CNIH3: variants seen among roughly 807,000 people sequenced by gnomAD.
CNIH3 encodes protein cornichon homolog 3.
Under a neutral mutation model 24.1 loss-of-function variants are expected in CNIH3, and 14 were observed. That is an observed-to-expected ratio of 0.58 (90% CI 0.38 to 0.91). CNIH3 has a LOEUF of 0.91. CNIH3 is among the 40% of genes least tolerant of loss of function. The pLI is 0.00. For missense variants in CNIH3, 178 were observed against 196.8 expected, an observed-to-expected ratio of 0.90 and a Z score of 0.57; for synonymous variants, 68 against 73.8, an observed-to-expected ratio of 0.92 and a Z score of 0.40.
chr1:224,633,365 C>T (rs1683924857), intron 1 of CNIH3, among the ~76,000 whole-genome samples: 1 of 152,002 alleles, frequency 6.6e-6, no homozygotes, highest in Admixed American at 6.6e-5. Context: ...TGCCACGTTG[C>T]CCAGGCTGAT....
intron 1 of CNIH3, among the ~76,000 whole-genome samples, chr1:224,494,551 G>A (rs1438779325): frequency 6.6e-6 from 1 of 152,140 alleles, no homozygotes; most frequent in Non-Finnish European, 1.5e-5. Context: ...TCACATTCCT[G>A]CCAAATCTTT....
intron 3 of CNIH3, among the ~76,000 whole-genome samples, chr1:224,689,103 C>T (rs1686804637): frequency 1.3e-5 from 2 of 152,264 alleles, no homozygotes; most frequent in South Asian, 4.2e-4. Flanking sequence ...TGCTCTCAGC[C>T]ACTTCCGGGA....
At chr1:224,593,325 C>T (rs533133522), downstream of CNIH3, among the ~76,000 whole-genome samples, 2 of 151,838 alleles carry the variant, frequency 1.3e-5, no homozygotes, top group East Asian at 3.9e-4. Context: ...CAGCTATCCA[C>T]TCTGTTACTT....
intron 2 of CNIH3, among the ~76,000 whole-genome samples, chr1:224,527,113 A>G (rs1181503673): frequency 6.6e-6 from 1 of 152,202 alleles, no homozygotes; most frequent in East Asian, 1.9e-4. Context: ...ACAGGGCTGA[A>G]AAAACTTGAT....
exon 3 of CNIH3, chr1:224,546,870 G>C (rs1315755877): frequency 9.9e-5 from 97 of 984,514 alleles, no homozygotes; most frequent in Non-Finnish European, 1.1e-4. Context: ...TGATGATGGG[G>C]CCATTTGACA....
In CNIH3 at chr1:224,434,688, TGCGGCGGCG is replaced by T. The variant is rs779741438; in HGVS notation, n.40_48del. Reference sequence around the variant, plus strand: ...CGCTGGGCTGAGCCCCGGCAGTGGCTGCGGCGGCGGCGGCGGCGGGCGGCAGCGGAGGCA... The same window carrying T: ...CGCTGGGCTGAGCCCCGGCAGTGGCTGCGGCGGCGGGCGGCAGCGGAGGCA... On this transcript the variant is annotated non_coding_transcript_exon_variant, in exon 1 of 6. Coordinates refer to the CNIH3 transcript ENST00000471578. 47 of 895,802 alleles carry T rather than the reference TGCGGCGGCG, an allele frequency of 5.2e-5. No homozygotes were observed. In the East Asian group the frequency reaches 4.0e-3, roughly 77 times the overall value. 55.5% of individuals were successfully genotyped at this position (895,802 alleles called of 1,614,324 possible).
chr1:224,580,881 T>A (rs555800925), intron 4 of CNIH3, among the ~76,000 whole-genome samples: 1 of 152,222 alleles, frequency 6.6e-6, no homozygotes, highest in African/African-American at 2.4e-5. Flanking sequence ...AATCTGCACT[T>A]TACATAAGAT....
At chr1:224,702,805 C>A (rs1290326586) in intron 3 of CNIH3, among the ~76,000 whole-genome samples, 2 of 152,178 alleles carry the variant, frequency 1.3e-5, no homozygotes. Context: ...AGAGACCTTG[C>A]AGACACCAAG....
At chr1:224,440,558 A>G (rs944134133) in intron 1 of CNIH3, among the ~76,000 whole-genome samples, 15 of 152,224 alleles carry the variant, frequency 9.9e-5, no homozygotes, top group African/African-American at 3.6e-4. Flanking sequence ...AGTGGTAATC[A>G]CCATGTACTG....
In CNIH3 at chr1:224,702,057, A is replaced by G. The variant is rs140479160; in HGVS notation, c.198+17214A>G. Among the ~76,000 whole-genome samples, 946 of 152,104 alleles carry G rather than the reference A, an allele frequency of 6.2e-3. 13 individuals carry two copies. The highest frequency in any genetic ancestry group is 0.022 in the African/African-American group (912 of 41,464). ...ATCTCCACTTGCATTTAGATAGACAAATACATGTATGCACAGATATACACT... is the reference window on the plus strand; with the variant it reads ...ATCTCCACTTGCATTTAGATAGACAGATACATGTATGCACAGATATACACT... On this transcript the variant is annotated intron_variant, in intron 3 of 5. Coordinates refer to ENST00000272133, the MANE Select transcript of CNIH3 (RefSeq NM_152495.2).
downstream of CNIH3, among the ~76,000 whole-genome samples, chr1:224,539,635 G>A (rs2124946344): frequency 6.6e-6 from 1 of 152,142 alleles, no homozygotes; most frequent in South Asian, 2.1e-4. Context: ...GCCCCATGCT[G>A]GTCACTGCCC....
At chr1:224,656,145 TC>T (rs1685083611) in intron 1 of CNIH3, among the ~76,000 whole-genome samples, 1 of 152,300 alleles carries the variant, frequency 6.6e-6, no homozygotes, top group Admixed American at 6.5e-5. Context: ...TGACCATCAA[TC>T]CTGGATGCTT....
At chr1:224,615,819 A>AGG (rs1361314707), upstream of CNIH3, 1 of 152,232 alleles carries the variant, frequency 6.6e-6, no homozygotes, top group African/African-American at 2.4e-5. Flanking sequence ...ACGCAGCCCT[A>AGG]AGCACTGAGT....
At chr1:224,734,884 G>A (rs1689515892) in intron 5 of CNIH3, among the ~76,000 whole-genome samples, 178 bp downstream of exon 5, 1 of 152,208 alleles carries the variant, frequency 6.6e-6, no homozygotes, top group African/African-American at 2.4e-5. Context: ...GTATAAACAA[G>A]TAAGGGGGCA....
chr1:224,630,850 G>C (rs185631357), intron 1 of CNIH3, among the ~76,000 whole-genome samples: 3 of 152,186 alleles, frequency 2.0e-5, no homozygotes, highest in Non-Finnish European at 4.4e-5. Flanking sequence ...GGGGTATGCT[G>C]TCTGGCCAGA....
intron 3 of CNIH3, among the ~76,000 whole-genome samples, chr1:224,710,236 G>A (rs1370193383): frequency 6.6e-6 from 1 of 152,228 alleles, no homozygotes; most frequent in Non-Finnish European, 1.5e-5. Context: ...TGTTACTTGG[G>A]ATTTACACCA....
chr1:224,608,234 C>G (rs1351882050), intron 3 of CNIH3, among the ~76,000 whole-genome samples: 2 of 152,170 alleles, frequency 1.3e-5, no homozygotes, highest in African/African-American at 4.8e-5. Context: ...ACAGTTTGAC[C>G]TTTGACTTGG....
chr1:224,667,768 C>A (rs570055773), intron 1 of CNIH3, among the ~76,000 whole-genome samples: 54 of 144,238 alleles, frequency 3.7e-4, no homozygotes, highest in South Asian at 3.5e-3. Context: ...AAAAAAAAAA[C>A]CCATGACTAC....
At chr1:224,586,473 T>C (rs753710489) in intron 5 of CNIH3, among the ~76,000 whole-genome samples, 1 of 152,086 alleles carries the variant, frequency 6.6e-6, no homozygotes, top group Non-Finnish European at 1.5e-5. Context: ...TACCTCCTAC[T>C]GGGTCCCTCC....
Sources: gnomAD v4.1 joint callset for allele counts (sites outside exome capture counted in the v4.1 genomes callset) on GRCh38, gnomAD v4.1.1 for gene constraint, MANE v1.5 for transcripts, NCBI Gene and HGNC (gene_info 2026-07-23, HGNC 2026-07-21) for gene names.